The following PCDHGB4 variants were observed in gnomAD, a reference collection of about 807,000 sequenced individuals.
PCDHGB4 encodes the protein protocadherin gamma subfamily B, 4, also known as protocadherin gamma-B4.
In PCDHGB4, 38 loss-of-function variants were observed where a neutral mutation model predicts 60.5. The observed-to-expected ratio is 0.63, with a 90% CI of 0.48 to 0.82. The LOEUF (loss-of-function observed/expected upper bound fraction) is 0.82. PCDHGB4 is among the 40% of genes least tolerant of loss of function. PCDHGB4 has a pLI of 0.00. For synonymous variants in PCDHGB4, 456 were observed against 509.7 expected (o/e 0.89, Z 1.42); for missense variants, 1,109 against 1,209.6 (o/e 0.92, Z 1.23).
At chr5:141,420,050 C>T in intron 1 of PCDHGB4, 1 of 1,614,076 alleles carries the variant, frequency 6.2e-7, no homozygotes, top group Non-Finnish European at 8.5e-7. Flanking sequence ...TGAGTCAGTT[C>T]TCTGCTCCAA....
intron 3 of PCDHGB4, among the ~76,000 whole-genome samples, chr5:141,507,898 C>T (rs577177417): frequency 1.3e-5 from 2 of 152,310 alleles, no homozygotes; most frequent in East Asian, 1.9e-4. Flanking sequence ...TTCCTGAAGT[C>T]CAGCCCAGCC....
At chr5:141,420,010 GTC>G in intron 1 of PCDHGB4, 1 of 1,614,088 alleles carries the variant, frequency 6.2e-7, no homozygotes, top group South Asian at 1.1e-5. Context: ...GCCTGCGACA[GTC>G]TTTCAGCCCT....
At chr5:141,456,971 A>G (rs1031714073) in intron 1 of PCDHGB4, among the ~76,000 whole-genome samples, 1 of 147,384 alleles carries the variant, frequency 6.8e-6, no homozygotes, top group Non-Finnish European at 1.5e-5. Context: ...TCAAAACAAA[A>G]CAAACAAACA....
rs2099388776 is a variant in PCDHGB4, at chr5:141,476,308, C to T, written c.2398-18499C>T. On this transcript the variant is annotated intron_variant, in intron 1 of 3. Coordinates refer to ENST00000519479, the MANE Select transcript of PCDHGB4 (RefSeq NM_003736.4). The surrounding 1 kb of genome is among the most constrained non-coding windows in gnomAD (Gnocchi z 7.6). ...TGGATCTCGGTAGCCTCTCAGCCCG[C>T]AGGTTCCGGGTGGTGTCTGGAGCTA... The T allele has an allele frequency of 1.2e-6, 2 of 1,613,750 alleles. No individual in the cohort carries two copies. The highest frequency in any genetic ancestry group is 2.7e-5 in the African/African-American group (2 of 74,806).
intron 1 of PCDHGB4, chr5:141,421,800 G>A: frequency 6.2e-7 from 1 of 1,613,846 alleles, no homozygotes; most frequent in Non-Finnish European, 8.5e-7. Context: ...ATGGGGCCAA[G>A]AATCCAGAGC....
rs376001893 is a variant in PCDHGB4 at position 141,388,827 on chromosome 5, A to G, written c.943A>G (p.Ile315Val). ...LDFEEVKEYS[I>V]VLEARDGGGM... ...TTTTGAAGAAGTCAAAGAATATTCC[A>G]TAGTTTTGGAAGCAAGGGACGGTGG... The change falls in exon 1 of 4, where the codon ATA becomes GTA. Residue 315 changes from isoleucine (I) to valine (V), a missense_variant. By Grantham distance (29) the Ile-to-Val change is conservative. Coordinates refer to ENST00000519479, the MANE Select transcript of PCDHGB4 (RefSeq NM_003736.4). The G allele has an allele frequency of 9.9e-6, 16 of 1,614,024 alleles. No homozygotes were observed. The African/African-American group carries it at 1.7e-4, about 17-fold the overall frequency.
In PCDHGB4 at chr5:141,431,375, G is replaced by T. The variant is rs139873616; in HGVS notation, c.2397+41094G>T. ...ACGCGCCCTGGACCGCGAAGAAAAGGCTGCTCACCACCTGGTCCTTACGGC... is the reference window on the plus strand; with the variant it reads ...ACGCGCCCTGGACCGCGAAGAAAAGTCTGCTCACCACCTGGTCCTTACGGC... On this transcript the variant is annotated intron_variant, in intron 1 of 3. Coordinates refer to ENST00000519479, the MANE Select transcript of PCDHGB4 (RefSeq NM_003736.4). This position sits in a 1 kb window ranked among gnomAD's most constrained non-coding sequence, Gnocchi z 4.8. 21 of 1,613,422 alleles carry T rather than the reference G, an allele frequency of 1.3e-5. No homozygotes were observed. The African/African-American group carries it at 2.8e-4, about 21-fold the overall frequency.
chr5:141,482,661 T>A (rs1215403061), intron 1 of PCDHGB4, among the ~76,000 whole-genome samples: 2 of 151,742 alleles, frequency 1.3e-5, no homozygotes, highest in African/African-American at 4.9e-5. Flanking sequence ...TGAGCTATGA[T>A]CTAAAGGTTG....
In PCDHGB4 at chr5:141,420,282, T is replaced by C. The variant is rs543435018; in HGVS notation, c.2397+30001T>C. 2.1e-5 allele frequency: 31 copies of C among 1,510,188 alleles called. No homozygotes were observed. In the African/African-American group the frequency reaches 4.0e-4, roughly 20 times the overall value. 93.5% of individuals were successfully genotyped at this position (1,510,188 alleles called of 1,614,324 possible). On this transcript the variant is annotated intron_variant, in intron 1 of 3. Coordinates refer to ENST00000519479, the MANE Select transcript of PCDHGB4 (RefSeq NM_003736.4). ...AAGAAGATTCTTAAACAGGTAAGTA[T>C]TTAAAAATGTATTTAATCCTTTTTA...
At chr5:141,433,289 G>C in intron 1 of PCDHGB4, 1 of 1,130,682 alleles carries the variant, frequency 8.8e-7, no homozygotes, top group Non-Finnish European at 1.3e-6. Context: ...AAACTCCTAG[G>C]CTCAAGCAAT....
Position 141,433,020 on chromosome 5 carries a change from C to T in PCDHGB4, c.2397+42739C>T, listed in dbSNP as rs761127608. 1.1e-5 allele frequency: 17 copies of T among 1,614,152 alleles called. No individual in the cohort carries two copies. The South Asian group carries it at 1.9e-4, about 18-fold the overall frequency. On this transcript the variant is annotated intron_variant, in intron 1 of 3. Coordinates refer to ENST00000519479, the MANE Select transcript of PCDHGB4 (RefSeq NM_003736.4). ...GTGCAGGCTTTCCTGCAGACCTATTCCCACGAGGTTTCCCTCACCACGGAC... is the reference window on the plus strand; with the variant it reads ...GTGCAGGCTTTCCTGCAGACCTATTTCCACGAGGTTTCCCTCACCACGGAC...
intron 1 of PCDHGB4, among the ~76,000 whole-genome samples, chr5:141,480,339 T>A (rs764049837): frequency 1.3e-4 from 20 of 152,010 alleles, no homozygotes; most frequent in Non-Finnish European, 2.4e-4. Context: ...TGCTTGAGCC[T>A]GGGAGGTTGA....
At chr5:141,483,584 T>C (rs2099583159) in intron 1 of PCDHGB4, among the ~76,000 whole-genome samples, 1 of 152,064 alleles carries the variant, frequency 6.6e-6, no homozygotes, top group African/African-American at 2.4e-5. Context: ...CATAAACACC[T>C]AATAGGTCAG....
chr5:141,400,233 C>G (rs373858401), intron 1 of PCDHGB4: 21 of 1,613,872 alleles, frequency 1.3e-5, no homozygotes, highest in Non-Finnish European at 1.8e-5. Context: ...TCCTCCTGGC[C>G]GTGATTCTGG....
intron 1 of PCDHGB4, among the ~76,000 whole-genome samples, chr5:141,474,311 G>T (rs1374954373): frequency 1.3e-5 from 2 of 152,134 alleles, no homozygotes. Context: ...AAACTTTAAT[G>T]TGTTTTCAAA....
chr5:141,403,581 T>C (rs2094427540), intron 1 of PCDHGB4: 8 of 1,613,936 alleles, frequency 5.0e-6, no homozygotes, highest in Non-Finnish European at 6.8e-6. Flanking sequence ...GCCCACCACC[T>C]GGTCCTCACG....
chr5:141,399,776 A>T, intron 1 of PCDHGB4: 1 of 1,613,218 alleles, frequency 6.2e-7, no homozygotes, highest in African/African-American at 1.3e-5. Context: ...TTGGTGGGCG[A>T]CCGAAACGAC....
At position 141,388,323 on chromosome 5, in the gene PCDHGB4, C is replaced by T. The variant is rs534112048; in HGVS notation, c.439C>T (p.Gln147Ter). Residue 147 changes from glutamine to a stop codon, truncating the protein, a stop_gained, in exon 1 of 4, where the codon CAG becomes TAG. Coordinates refer to ENST00000519479, the MANE Select transcript of PCDHGB4 (RefSeq NM_003736.4). LOFTEE classifies it high-confidence loss of function. ...SFELQISESA[Q>*]PGTRFILGSA... is the part of the protein sequence containing the mutation. ...TGAGCTGCAAATAAGTGAGTCTGCA[C>T]AGCCTGGCACACGATTTATATTAGG... 54 of 1,613,894 alleles carry T rather than the reference C, an allele frequency of 3.3e-5. No individual in the cohort carries two copies. In the East Asian group the frequency reaches 1.2e-3, roughly 35 times the overall value.
chr5:141,419,368 C>T, intron 1 of PCDHGB4: 1 of 1,613,776 alleles, frequency 6.2e-7, no homozygotes, highest in Non-Finnish European at 8.5e-7. Context: ...CGCTGTCGTC[C>T]TACGTGTCCG....
Sources: allele counts gnomAD v4.1 joint callset (sites outside exome capture counted in the v4.1 genomes callset), GRCh38; gene constraint gnomAD v4.1.1; non-coding constraint Gnocchi (gnomAD v3.1); transcripts MANE v1.5; gene names NCBI Gene and HGNC (gene_info 2026-07-23, HGNC 2026-07-21).